ACSS1: variants seen among roughly 807,000 people sequenced by gnomAD.
ACSS1 encodes acetyl-coenzyme A synthetase 2-like, mitochondrial.
Under a neutral mutation model 75.3 loss-of-function variants are expected in ACSS1, and 42 were observed. The observed-to-expected ratio is 0.56, with a 90% CI of 0.44 to 0.72. The LOEUF is 0.72. Ranked by LOEUF, ACSS1 falls within the 30% of genes least tolerant of loss-of-function variation. The pLI, the probability that ACSS1 is intolerant of heterozygous loss-of-function variation, is 0.00. For missense variants in ACSS1, 782 were observed against 935.7 expected, an observed-to-expected ratio of 0.84 and a Z score of 2.14; for synonymous variants, 380 against 376.8, an observed-to-expected ratio of 1.01 and a Z score of -0.10.
chr20:25,033,118 T>C (rs889223296), intron 2 of ACSS1, among the ~76,000 whole-genome samples: 1 of 151,328 alleles, frequency 6.6e-6, no homozygotes, highest in Non-Finnish European at 1.5e-5. Flanking sequence ...TGGGGTGGCC[T>C]GTGACCGGCT....
At chr20:25,023,848 G>A (rs1238919258) in intron 3 of ACSS1, among the ~76,000 whole-genome samples, 1 of 152,144 alleles carries the variant, frequency 6.6e-6, no homozygotes, top group African/African-American at 2.4e-5. Context: ...CAGTTCTGAG[G>A]CTGAGGGGAA....
At chr20:25,033,280 G>A (rs2088857922) in intron 2 of ACSS1, among the ~76,000 whole-genome samples, 1 of 152,226 alleles carries the variant, frequency 6.6e-6, no homozygotes, top group South Asian at 2.1e-4. Context: ...CTGTTCTGCA[G>A]ACGGAGGGCA....
chr20:25,035,645 C>T (rs1189909786), intron 2 of ACSS1, among the ~76,000 whole-genome samples: 2 of 152,172 alleles, frequency 1.3e-5, no homozygotes, highest in Non-Finnish European at 2.9e-5. Flanking sequence ...CTCAAGTGAT[C>T]CACTGGCCTT....
At chr20:25,017,723 T>A (rs1001215421) in intron 7 of ACSS1, among the ~76,000 whole-genome samples, 4 of 152,126 alleles carry the variant, frequency 2.6e-5, no homozygotes, top group African/African-American at 9.7e-5. Context: ...GGGATACACA[T>A]CCCACTCTAA....
intron 2 of ACSS1, among the ~76,000 whole-genome samples, chr20:25,042,727 G>A (rs1033819682): frequency 1.4e-4 from 21 of 152,046 alleles, no homozygotes; most frequent in South Asian, 2.1e-4. Flanking sequence ...GCTGAGTACC[G>A]TCACCCCTGA....
chr20:25,045,642 T>C (rs769641896), intron 2 of ACSS1, among the ~76,000 whole-genome samples: 3 of 152,226 alleles, frequency 2.0e-5, no homozygotes, highest in African/African-American at 7.2e-5. Flanking sequence ...TCGAGTGCTG[T>C]GGCACGAGGC....
At chr20:25,027,652 C>T (rs2088744828) in intron 3 of ACSS1, among the ~76,000 whole-genome samples, 3 of 151,944 alleles carry the variant, frequency 2.0e-5, no homozygotes, top group Non-Finnish European at 4.4e-5. Flanking sequence ...TGAAAACCCA[C>T]AGCTAACATC....
Position 25,007,741 on chromosome 20 carries a change from A to G in ACSS1, c.*21T>C. 1.2e-6 allele frequency: 2 copies of G among 1,611,704 alleles called. No homozygotes were observed. The highest frequency in any genetic ancestry group is 1.7e-6 in the Non-Finnish European group (2 of 1,178,304). On this transcript the variant is annotated 3_prime_UTR_variant, in exon 14 of 14. Transcript: ENST00000323482. ...AGGGCTTGGGTGCCCGCCCATCCCA[A>G]GAGCCCCACAAGGTGCCAGCTCACT...
At position 25,007,781 on chromosome 20, in the gene ACSS1, T is replaced by C. The variant is rs2088334732; in HGVS notation, c.2051A>G (p.Lys684Arg). The C allele has an allele frequency of 6.2e-7, 1 of 1,614,158 alleles. No homozygotes were observed. The highest frequency in any genetic ancestry group is 2.2e-5 in the East Asian group (1 of 44,880). ...ILSVYQKCKDKQAAAK is the reference protein window; with the variant it reads ...ILSVYQKCKDRQAAAK Reference sequence around the variant, plus strand: ...GCCAGCTCACTTAGCAGCAGCCTGCTTGTCCTTGCACTTCTGGTAGACACT... The same window carrying C: ...GCCAGCTCACTTAGCAGCAGCCTGCCTGTCCTTGCACTTCTGGTAGACACT... Residue 684 changes from lysine (K) to arginine (R), a missense_variant, in exon 14 of 14, where the codon AAG (lysine) becomes AGG (arginine). Transcript: ENST00000323482.
At chr20:25,050,568 G>A (rs1568850834) in intron 1 of ACSS1, among the ~76,000 whole-genome samples, 2 of 152,096 alleles carry the variant, frequency 1.3e-5, no homozygotes, top group Non-Finnish European at 2.9e-5. Flanking sequence ...AGAGTGGCCT[G>A]CCCAGGTGTA....
At chr20:25,023,183 G>A in intron 4 of ACSS1, 91 bp from the exon 5 acceptor site, 1 of 1,462,524 alleles carries the variant, frequency 6.8e-7, no homozygotes, top group East Asian at 2.4e-5. Context: ...CCACACACAG[G>A]ATTCAGAATT....
chr20:25,030,037 G>A (rs2088795015), intron 3 of ACSS1, among the ~76,000 whole-genome samples: 1 of 152,184 alleles, frequency 6.6e-6, no homozygotes, highest in African/African-American at 2.4e-5. Context: ...AAGCGGAAGG[G>A]CTTCCCAGCC....
At chr20:25,009,192 C>T in intron 13 of ACSS1, 78 bp downstream of exon 13, 2 of 1,251,758 alleles carry the variant, frequency 1.6e-6, no homozygotes, top group Non-Finnish European at 2.3e-6. Flanking sequence ...GAGTAATATG[C>T]TCCTAAAAGA....
intron 2 of ACSS1, chr20:25,046,716 G>A: frequency 1.3e-6 from 1 of 749,816 alleles, no homozygotes; most frequent in South Asian, 1.4e-5. Context: ...GCCCACCGTG[G>A]CGAGGGGCAG....
chr20:25,057,496 A>C (rs1339415146), intron 1 of ACSS1, among the ~76,000 whole-genome samples: 1 of 152,154 alleles, frequency 6.6e-6, no homozygotes, highest in Non-Finnish European at 1.5e-5. Context: ...AGCCGCGCCG[A>C]GCAAGGCCAG....
chr20:25,033,084 C>T (rs2088854527), intron 2 of ACSS1, among the ~76,000 whole-genome samples: 1 of 152,246 alleles, frequency 6.6e-6, no homozygotes, highest in Non-Finnish European at 1.5e-5. Context: ...CTCAGAAACA[C>T]TCCTGCTACT....
chr20:25,026,986 A>G (rs965061162), intron 3 of ACSS1, among the ~76,000 whole-genome samples: 2 of 152,258 alleles, frequency 1.3e-5, no homozygotes, highest in Non-Finnish European at 2.9e-5. Flanking sequence ...TCTCAACAGA[A>G]GCACTGGGTG....
intron 1 of ACSS1, among the ~76,000 whole-genome samples, chr20:25,053,123 G>C (rs933560632): frequency 4.0e-4 from 59 of 149,070 alleles, no homozygotes; most frequent in African/African-American, 1.4e-3. Flanking sequence ...GAGTGCGCTG[G>C]CGTGATCTCA....
Position 25,058,086 on chromosome 20 carries a change from A to G in ACSS1, c.17T>C (p.Leu6Pro). Reference protein sequence around the residue: MAARTLGRGVGRLLGS... With the variant: MAARTPGRGVGRLLGS... ...CAGCAGCCTCCCGACGCCGCGGCCC[A>G]GGGTGCGCGCCGCCATCTAGGCAGG... The change falls in exon 1 of 14, where the codon CTG becomes CCG. Residue 6 changes from leucine to proline, a missense_variant. Transcript: ENST00000323482. The G allele has an allele frequency of 8.0e-7, 1 of 1,254,814 alleles. No individual in the cohort carries two copies. The highest frequency in any genetic ancestry group is 1.0e-6 in the Non-Finnish European group (1 of 1,002,922). 77.7% of individuals were successfully genotyped at this position (1,254,814 alleles called of 1,614,324 possible).
Sources: allele counts gnomAD v4.1 joint callset (sites outside exome capture counted in the v4.1 genomes callset), GRCh38; gene constraint gnomAD v4.1.1; transcripts MANE v1.5; gene names NCBI Gene and HGNC (gene_info 2026-07-23, HGNC 2026-07-21).